Variants in DNASE1 observed in about 807,000 individuals in gnomAD.
DNASE1 encodes deoxyribonuclease-1.
DNASE1 carries 40 observed loss-of-function variants against 33.9 expected under a neutral mutation model. That is an observed-to-expected ratio of 1.18 (90% confidence interval 0.92 to 1.54). The LOEUF (loss-of-function observed/expected upper bound fraction) is 1.54. DNASE1 is among the 40% of genes most tolerant of loss of function. DNASE1 has a pLI of 0.00. For missense variants in DNASE1, 518 were observed against 372.6 expected (o/e 1.39, Z -3.21); for synonymous variants, 216 against 160.0 (o/e 1.35, Z -2.64).
chr16:3,653,824 A>AAAAAAAAAAAAAAAAAAC (rs2042427203), upstream of DNASE1: 1 of 145,662 alleles, frequency 6.9e-6, no homozygotes, highest in African/African-American at 2.6e-5. Flanking sequence ...AAAAAAAAAA[A>AAAAAAAAAAAAAAAAAAC]AAAAAAAAAA....
intron 1 of DNASE1, among the ~76,000 whole-genome samples, chr16:3,630,391 C>T (rs1358361161): frequency 6.6e-6 from 1 of 151,772 alleles, no homozygotes; most frequent in Non-Finnish European, 1.5e-5. Flanking sequence ...CCATGTTGCC[C>T]AGGTTGGCCT....
chr16:3,658,930 T>C, downstream of DNASE1: 1 of 1,544,498 alleles, frequency 6.5e-7, no homozygotes, highest in Non-Finnish European at 8.9e-7. Flanking sequence ...CCCTTCATGT[T>C]TTGGGATTAT....
intron 1 of DNASE1, among the ~76,000 whole-genome samples, chr16:3,649,073 A>G (rs958167636): frequency 6.6e-6 from 1 of 152,160 alleles, no homozygotes; most frequent in Non-Finnish European, 1.5e-5. Context: ...ATTTAGATCT[A>G]GAGGTTTGAT....
chr16:3,627,303 T>C (rs2041544370), intron 1 of DNASE1, among the ~76,000 whole-genome samples: 1 of 150,910 alleles, frequency 6.6e-6, no homozygotes, highest in Admixed American at 6.6e-5. Flanking sequence ...GACAGGGTGG[T>C]CTTGCTCTGT....
intron 1 of DNASE1, among the ~76,000 whole-genome samples, chr16:3,643,892 C>G (rs541838190): frequency 5.9e-5 from 9 of 152,226 alleles, no homozygotes; most frequent in African/African-American, 1.9e-4. Flanking sequence ...CTCCCAGTAG[C>G]TGGGACTACA....
chr16:3,641,649 G>A (rs558368944), upstream of DNASE1, among the ~76,000 whole-genome samples: 138 of 152,342 alleles, frequency 9.1e-4, 4 homozygotes, highest in South Asian at 0.027. Context: ...CTTTCTGCAC[G>A]TGTCGCGGCC....
chr16:3,624,566 C>T (rs2041439216), intron 1 of DNASE1, among the ~76,000 whole-genome samples: 1 of 152,218 alleles, frequency 6.6e-6, no homozygotes, highest in Non-Finnish European at 1.5e-5. Flanking sequence ...ATACCTGGAG[C>T]AGTCCAACTG....
intron 1 of DNASE1, among the ~76,000 whole-genome samples, chr16:3,615,137 C>G (rs1449272438): frequency 6.6e-6 from 1 of 151,972 alleles, no homozygotes; most frequent in Admixed American, 6.6e-5. Context: ...CAACCTGTGT[C>G]TTTTGAAAGT....
At chr16:3,665,160 G>C (rs114952963) in exon 10 of DNASE1, 40 of 152,402 alleles carry the variant, frequency 2.6e-4, no homozygotes, top group African/African-American at 9.6e-4. Flanking sequence ...CCTGTGTGCT[G>C]TTAACTCAAA....
upstream of DNASE1, among the ~76,000 whole-genome samples, chr16:3,638,278 G>A (rs1372852684): frequency 6.6e-6 from 1 of 151,996 alleles, no homozygotes; most frequent in Non-Finnish European, 1.5e-5. Context: ...ATTTAACACT[G>A]GTTTTCTACA....
At chr16:3,650,449 C>T (rs2151203842), upstream of DNASE1, among the ~76,000 whole-genome samples, 1 of 152,160 alleles carries the variant, frequency 6.6e-6, no homozygotes, top group African/African-American at 2.4e-5. Flanking sequence ...GATCTTTTGG[C>T]CCCAATGAGC....
At chr16:3,645,609 C>G (rs918097497) in intron 1 of DNASE1, among the ~76,000 whole-genome samples, 1 of 152,222 alleles carries the variant, frequency 6.6e-6, no homozygotes, top group Non-Finnish European at 1.5e-5. Context: ...GCTGAGCCAA[C>G]ATGCCGTGGT....
upstream of DNASE1, among the ~76,000 whole-genome samples, chr16:3,642,273 C>T (rs541988295): frequency 6.6e-6 from 1 of 152,328 alleles, no homozygotes; most frequent in African/African-American, 2.4e-5. Flanking sequence ...TGCCTTAGTC[C>T]ACAGACTGCC....
At chr16:3,625,162 C>G in intron 1 of DNASE1, among the ~76,000 whole-genome samples, 1 of 152,190 alleles carries the variant, frequency 6.6e-6, no homozygotes, top group South Asian at 2.1e-4. Context: ...AAAAGTTAGC[C>G]AGGTGTGGTG....
chr16:3,616,098 G>A (rs1369560132), intron 1 of DNASE1, among the ~76,000 whole-genome samples: 6 of 152,188 alleles, frequency 3.9e-5, no homozygotes, highest in African/African-American at 1.2e-4. Context: ...CTGTTTTTAC[G>A]TGTATAAGTA....
At position 3,654,987 on chromosome 16, in the gene DNASE1, A is replaced by G; in HGVS notation, c.-59A>G. 2.1e-6 allele frequency: 1 copy of G among 480,788 alleles called. No individual in the cohort carries two copies. Among genetic ancestry groups the G allele is most frequent in the South Asian group, 4.6e-5 (1 of 21,524 alleles). 29.8% of individuals were successfully genotyped at this position (480,788 alleles called of 1,614,324 possible). On this transcript the variant is annotated 5_prime_UTR_variant, in exon 1 of 9. Transcript: ENST00000246949. ...AAAAGGAGAAAATTGTCATCAAAGG[A>G]TATTCCAGATTCTTGACAGCATTCT...
Position 3,619,220 on chromosome 16 carries a change from G to T in DNASE1, c.-1359+7214G>T, listed in dbSNP as rs148657451. ...TGGCTAATTTTTTGTATTTTTAGTAGAGAAAGGGTTTTGCCATGTTGCCCA... is the reference window on the plus strand; with the variant it reads ...TGGCTAATTTTTTGTATTTTTAGTATAGAAAGGGTTTTGCCATGTTGCCCA... On this transcript the variant is annotated intron_variant and NMD_transcript_variant, in intron 1 of 11. Coordinates refer to the DNASE1 transcript ENST00000570769. Among the ~76,000 whole-genome samples, 609 of 151,978 alleles carry T rather than the reference G, an allele frequency of 4.0e-3. 3 individuals carry two copies. The highest frequency in any genetic ancestry group is 0.014 in the African/African-American group (563 of 41,452).
intron 1 of DNASE1, among the ~76,000 whole-genome samples, chr16:3,621,190 A>G (rs1184382614): frequency 1.3e-5 from 2 of 152,052 alleles, no homozygotes; most frequent in African/African-American, 2.4e-5. Flanking sequence ...GGCTCAGACA[A>G]TCCTCCTGCC....
downstream of DNASE1, chr16:3,658,265 C>T (rs1228979643): frequency 2.0e-6 from 3 of 1,494,032 alleles, no homozygotes; most frequent in Non-Finnish European, 2.7e-6. Context: ...TTATGAGGGG[C>T]ATGGGGCACC....
Sources: gnomAD v4.1 joint callset for allele counts (sites outside exome capture counted in the v4.1 genomes callset) on GRCh38, gnomAD v4.1.1 for gene constraint, MANE v1.5 for transcripts, NCBI Gene and HGNC (gene_info 2026-07-23, HGNC 2026-07-21) for gene names.